KIRREL3: variants seen among roughly 807,000 people sequenced by gnomAD.
KIRREL3 encodes kin of IRRE-like protein 3.
KIRREL3 carries 36 observed loss-of-function variants against 89.7 expected under a neutral mutation model. The ratio of observed to expected loss-of-function variants is 0.40; its 90% confidence interval spans 0.31 to 0.53. The LOEUF (loss-of-function observed/expected upper bound fraction) is 0.53, where lower values mean the gene tolerates loss of function less well. KIRREL3 is among the 20% of genes least tolerant of loss of function. The probability of loss-of-function intolerance (pLI) is 0.49; values close to 1 mark genes in which losing one functional copy is unlikely to be tolerated. For synonymous variants in KIRREL3, 445 were observed against 441.4 expected, an observed-to-expected ratio of 1.01 and a Z score of -0.10; for missense variants, 864 against 1,056.6, an observed-to-expected ratio of 0.82 and a Z score of 2.53.
intron 1 of KIRREL3, among the ~76,000 whole-genome samples, chr11:126,980,780 T>C (rs1327560630): frequency 2.0e-5 from 3 of 151,954 alleles, no homozygotes; most frequent in Non-Finnish European, 4.4e-5. Context: ...GGGGAGAAAA[T>C]AATGAGTTTA....
chr11:126,962,376 A>G (rs1483793905), intron 1 of KIRREL3, among the ~76,000 whole-genome samples: 3 of 152,186 alleles, frequency 2.0e-5, no homozygotes, highest in African/African-American at 7.2e-5. Flanking sequence ...GATGACTTTG[A>G]GGGGTTCAAG....
chr11:126,630,228 G>A (rs1184929776), intron 1 of KIRREL3, among the ~76,000 whole-genome samples: 1 of 152,150 alleles, frequency 6.6e-6, no homozygotes, highest in Non-Finnish European at 1.5e-5. Flanking sequence ...TGTGTCGAAT[G>A]GAATATAAGC....
At chr11:126,815,274 C>G (rs933261824) in intron 1 of KIRREL3, among the ~76,000 whole-genome samples, 1 of 152,176 alleles carries the variant, frequency 6.6e-6, no homozygotes, top group Non-Finnish European at 1.5e-5. Context: ...TGACTTGGCT[C>G]TACTCAAGAT....
intron 1 of KIRREL3, among the ~76,000 whole-genome samples, chr11:126,901,031 T>G (rs1017353708): frequency 6.6e-6 from 1 of 151,960 alleles, no homozygotes; most frequent in East Asian, 1.9e-4. Flanking sequence ...CTGACAAACA[T>G]GGTGAAACTT....
In KIRREL3 at chr11:126,492,043, T is replaced by C. The variant is rs925939141; in HGVS notation, c.434-18577A>G. ...AGAGGGATTTCAGAATCTGGACTTTTATTGTCTCACTTCCCTTCAGTGAGC... is the reference window on the plus strand; with the variant it reads ...AGAGGGATTTCAGAATCTGGACTTTCATTGTCTCACTTCCCTTCAGTGAGC... On this transcript the variant is annotated intron_variant, in intron 4 of 16. Transcript: ENST00000525144. The surrounding 1 kb of genome is among the most constrained non-coding windows in gnomAD (Gnocchi z 4.8). Among the ~76,000 whole-genome samples the C allele has an allele frequency of 2.6e-5, 4 of 152,108 alleles. No individual in the cohort carries two copies. Among genetic ancestry groups the C allele is most frequent in the African/African-American group, 9.7e-5 (4 of 41,404 alleles).
Position 126,576,021 on chromosome 11 carries a change from T to C in KIRREL3, c.56-13109A>G, listed in dbSNP as rs556568992. 9.2e-5 allele frequency among the ~76,000 whole-genome samples: 14 copies of C among 152,376 alleles called. No individual in the cohort carries two copies. The highest frequency in any genetic ancestry group is 3.1e-4 in the African/African-American group (13 of 41,596). ...CCCAGACTGTGAGGTGGGAACCATC[T>C]CTATTAATCTCTAGAACCTGGCTCA... On this transcript the variant is annotated intron_variant, in intron 1 of 16. Coordinates refer to ENST00000525144, the MANE Select transcript of KIRREL3 (RefSeq NM_032531.4). The surrounding 1 kb of genome is among the most constrained non-coding windows in gnomAD (Gnocchi z 5.4).
At chr11:126,920,881 C>G (rs1321168736) in intron 1 of KIRREL3, among the ~76,000 whole-genome samples, 1 of 152,184 alleles carries the variant, frequency 6.6e-6, no homozygotes, top group African/African-American at 2.4e-5. Context: ...ACAAAATTAC[C>G]TCAACACTCA....
At chr11:126,481,570 G>A (rs1957220263) in intron 4 of KIRREL3, among the ~76,000 whole-genome samples, 1 of 152,178 alleles carries the variant, frequency 6.6e-6, no homozygotes, top group Non-Finnish European at 1.5e-5. Context: ...CCCACTGTTT[G>A]GGGACCAAGT....
At chr11:126,712,604 C>G (rs990530276) in intron 1 of KIRREL3, among the ~76,000 whole-genome samples, 4 of 152,148 alleles carry the variant, frequency 2.6e-5, no homozygotes, top group Non-Finnish European at 4.4e-5. Flanking sequence ...AGAGGCAGGA[C>G]GCAGGCAGGT....
intron 1 of KIRREL3, among the ~76,000 whole-genome samples, chr11:126,804,446 T>C (rs763385092): frequency 1.1e-4 from 17 of 152,206 alleles, no homozygotes; most frequent in Non-Finnish European, 1.9e-4. Flanking sequence ...AAAGATTCTC[T>C]CCTATGGTAA....
At chr11:126,787,088 C>T (rs1387020717) in intron 1 of KIRREL3, among the ~76,000 whole-genome samples, 1 of 151,996 alleles carries the variant, frequency 6.6e-6, no homozygotes, top group African/African-American at 2.4e-5. Context: ...AGGGCCAGCA[C>T]AAGGGGCCAG....
chr11:126,786,195 A>G (rs535999416), intron 1 of KIRREL3, among the ~76,000 whole-genome samples: 1 of 152,338 alleles, frequency 6.6e-6, no homozygotes, highest in Admixed American at 6.5e-5. Flanking sequence ...TGAAAATTGC[A>G]TATGATAACT....
intron 1 of KIRREL3, among the ~76,000 whole-genome samples, chr11:126,586,104 C>T (rs180974820): frequency 6.6e-6 from 1 of 152,236 alleles, no homozygotes; most frequent in East Asian, 1.9e-4. Context: ...GATCCCTCCC[C>T]GGACGTGGCG....
At chr11:126,631,113 C>CTGTATGTA (rs148372556) in intron 1 of KIRREL3, among the ~76,000 whole-genome samples, 233 of 97,184 alleles carry the variant, frequency 2.4e-3, no homozygotes, top group African/African-American at 7.5e-3. Flanking sequence ...TGCAATCAGT[C>CTGTATGTA]TGTATGTATG....
At chr11:126,722,299 G>T (rs888804520) in intron 1 of KIRREL3, among the ~76,000 whole-genome samples, 1 of 152,194 alleles carries the variant, frequency 6.6e-6, no homozygotes, top group Non-Finnish European at 1.5e-5. Context: ...CCATCTGCAT[G>T]GTTCACTCCC....
In KIRREL3 at chr11:126,773,765, C is replaced by T. The variant is rs1950089403; in HGVS notation, c.56-210853G>A. On this transcript the variant is annotated intron_variant, in intron 1 of 16. Transcript: ENST00000525144. The surrounding 1 kb of genome is among the most constrained non-coding windows in gnomAD (Gnocchi z 4.2). ...ATATTATTTATCTCTATTATTGCAG[C>T]CCCAAATACTGAATCTGGCAGATAG... Among the ~76,000 whole-genome samples the T allele has an allele frequency of 6.6e-6, 1 of 152,154 alleles. No individual in the cohort carries two copies. The highest frequency in any genetic ancestry group is 2.4e-5 in the African/African-American group (1 of 41,430).
chr11:126,894,410 T>C (rs545600516), intron 1 of KIRREL3, among the ~76,000 whole-genome samples: 1 of 151,804 alleles, frequency 6.6e-6, no homozygotes, highest in South Asian at 2.1e-4. Flanking sequence ...GTGATTCTTA[T>C]TTCAAATCGT....
intron 1 of KIRREL3, among the ~76,000 whole-genome samples, chr11:126,944,700 G>T (rs1447935929): frequency 6.6e-6 from 1 of 152,140 alleles, no homozygotes; most frequent in South Asian, 2.1e-4. Context: ...ACCCACACCT[G>T]CAAACCTGGG....
intron 1 of KIRREL3, among the ~76,000 whole-genome samples, chr11:126,957,362 G>C (rs529914719): frequency 4.6e-5 from 7 of 152,312 alleles, no homozygotes; most frequent in African/African-American, 1.4e-4. Context: ...TACTTGGGCA[G>C]GTTGGAAATT....
Sources: allele counts gnomAD v4.1 joint callset (sites outside exome capture counted in the v4.1 genomes callset), GRCh38; gene constraint gnomAD v4.1.1; non-coding constraint Gnocchi (gnomAD v3.1); transcripts MANE v1.5; gene names NCBI Gene and HGNC (gene_info 2026-07-23, HGNC 2026-07-21).